The following AKAP13 variants were observed in gnomAD, a reference collection of about 807,000 sequenced individuals.
The protein encoded by AKAP13 is A-kinase anchoring protein 13, also known as A-kinase anchor protein 13.
A neutral mutation model predicts 264.5 loss-of-function variants in AKAP13; 80 were observed. The observed-to-expected ratio is 0.30, with a 90% CI of 0.25 to 0.36. The LOEUF (loss-of-function observed/expected upper bound fraction) is 0.36, where lower values mean the gene tolerates loss of function less well. AKAP13 is among the 10% of genes least tolerant of loss of function. The probability of loss-of-function intolerance (pLI) is 1.00; values close to 1 mark genes in which losing one functional copy is unlikely to be tolerated. For missense variants in AKAP13, 3,712 were observed against 3,435.2 expected, an observed-to-expected ratio of 1.08 and a Z score of -2.01; for synonymous variants, 1,380 against 1,250.2, an observed-to-expected ratio of 1.10 and a Z score of -2.19.
At chr15:85,389,204 GA>G (rs2070735410) in intron 1 of AKAP13, among the ~76,000 whole-genome samples, 1 of 152,020 alleles carries the variant, frequency 6.6e-6, no homozygotes, top group Non-Finnish European at 1.5e-5. Context: ...CTGATTTCTG[GA>G]GCTCCTTTTT....
intron 5 of AKAP13, among the ~76,000 whole-genome samples, chr15:85,553,812 G>C (rs1313956342): frequency 6.6e-6 from 1 of 152,214 alleles, no homozygotes; most frequent in Non-Finnish European, 1.5e-5. Context: ...TGTCCAGTCA[G>C]TGGTGACATT....
chr15:85,741,223 G>C lies in AKAP13; in HGVS notation c.7786G>C (p.Glu2596Gln), dbSNP rs778924793. The change falls in exon 35 of 37, where the codon GAG becomes CAG. Residue 2596 changes from glutamate to glutamine, a missense_variant. Glu to Gln is a conservative substitution (Grantham distance 29). Around this residue, in one of 3 missense-constraint regions of AKAP13, gnomAD observed 611 missense variants for 539.3 expected, o/e 1.13. Coordinates refer to ENST00000394518, the MANE Select transcript of AKAP13 (RefSeq NM_007200.5). ...GCAGAAGCAGCAGGCCCAGTACCTC[G>C]AGGAGAAGCGCAGGCGCGAGCGTGA... The part of the protein sequence containing the change: ...NLQKQQAQYL[E>Q]EKRRREREWE... 6.2e-6 allele frequency: 10 copies of C among 1,609,302 alleles called. No individual in the cohort carries two copies. In the Admixed American group the frequency reaches 8.5e-5, roughly 14 times the overall value.
At chr15:85,452,625 G>A (rs537753547) in intron 1 of AKAP13, among the ~76,000 whole-genome samples, 19 of 152,282 alleles carry the variant, frequency 1.2e-4, no homozygotes, top group African/African-American at 4.1e-4. Flanking sequence ...GGTTTCAGAG[G>A]GGAGGGTATG....
At chr15:85,678,652 A>G (rs338511) in intron 14 of AKAP13, among the ~76,000 whole-genome samples, 11,598 of 152,078 alleles carry the variant, frequency 0.076, 770 homozygotes, top group East Asian at 0.36. Context: ...ACTTGAGGTC[A>G]GGAGTTTGAG....
intron 7 of AKAP13, among the ~76,000 whole-genome samples, chr15:85,584,939 C>G (rs2079277806): frequency 6.6e-6 from 1 of 152,248 alleles, no homozygotes; most frequent in Admixed American, 6.5e-5. Flanking sequence ...GTGTCAGAAG[C>G]CTAAATTTGC....
At chr15:85,729,125 C>T (rs1489684664) in intron 29 of AKAP13, among the ~76,000 whole-genome samples, 1 of 151,542 alleles carries the variant, frequency 6.6e-6, no homozygotes, top group African/African-American at 2.4e-5. Flanking sequence ...ATGGTGAAAC[C>T]CCATCTCTAC....
intron 1 of AKAP13, among the ~76,000 whole-genome samples, chr15:85,485,337 C>A (rs969639922): frequency 3.3e-5 from 5 of 152,152 alleles, no homozygotes; most frequent in African/African-American, 1.2e-4. Flanking sequence ...TGCAAGAAGT[C>A]CCTGAGTAAA....
chr15:85,739,093 T>G (rs901243435), intron 33 of AKAP13, among the ~76,000 whole-genome samples: 2 of 152,224 alleles, frequency 1.3e-5, no homozygotes, highest in Non-Finnish European at 2.9e-5. Flanking sequence ...ACTTAGTCTT[T>G]GTGATAGTTA....
intron 1 of AKAP13, among the ~76,000 whole-genome samples, chr15:85,482,071 A>C (rs1191513979): frequency 6.6e-6 from 1 of 152,212 alleles, no homozygotes; most frequent in Non-Finnish European, 1.5e-5. Flanking sequence ...CTCCCTTTAG[A>C]ACTCAGTTCT....
intron 2 of AKAP13, among the ~76,000 whole-genome samples, chr15:85,518,832 C>T (rs963200756): frequency 5.9e-5 from 9 of 152,032 alleles, no homozygotes; most frequent in Admixed American, 1.3e-4. Context: ...CTGTCTCAAA[C>T]AACAACAAAA....
At chr15:85,543,282 T>TG (rs747918925) in intron 4 of AKAP13, among the ~76,000 whole-genome samples, 5 of 152,174 alleles carry the variant, frequency 3.3e-5, no homozygotes, top group Non-Finnish European at 7.3e-5. Context: ...TTTTTAGTGT[T>TG]TAACTAGCCA....
At position 85,415,844 on chromosome 15, in the gene AKAP13, TA is replaced by T. The variant is rs1022366126; in HGVS notation, c.-12+35054del. ...TAATAAATAAATGTGTTTGTGCTAA[TA>T]AAAAAAATGAGATGTGTATATTGAT... On this transcript the variant is annotated intron_variant, in intron 1 of 36. Coordinates refer to ENST00000394518, the MANE Select transcript of AKAP13 (RefSeq NM_007200.5). 4.0e-5 allele frequency among the ~76,000 whole-genome samples: 6 copies of T among 151,734 alleles called. No homozygotes were observed. In the East Asian group the frequency reaches 5.8e-4, roughly 15 times the overall value.
At chr15:85,389,709 T>C (rs1278563039) in intron 1 of AKAP13, 1 of 152,256 alleles carries the variant, frequency 6.6e-6, no homozygotes, top group African/African-American at 2.4e-5. Context: ...TAGGTATCTT[T>C]TAGTTGAAGA....
At chr15:85,421,671 T>C (rs1022231173) in intron 1 of AKAP13, among the ~76,000 whole-genome samples, 3 of 152,280 alleles carry the variant, frequency 2.0e-5, no homozygotes, top group African/African-American at 7.2e-5. Flanking sequence ...CAGATTTTCA[T>C]AATATAATTG....
intron 7 of AKAP13, chr15:85,582,927 C>G (rs2079183926): frequency 1.0e-6 from 1 of 985,318 alleles, no homozygotes; most frequent in Admixed American, 6.2e-5. Flanking sequence ...GCAGCCTGTT[C>G]CATCTGTGGG....
chr15:85,739,795 C>A (rs2088824319), intron 33 of AKAP13, among the ~76,000 whole-genome samples: 1 of 152,040 alleles, frequency 6.6e-6, no homozygotes, highest in Non-Finnish European at 1.5e-5. Context: ...GAGCTAAGAT[C>A]TCAACTCAAT....
intron 19 of AKAP13, 103 bp from the exon 20 acceptor site, chr15:85,715,685 A>G: frequency 9.0e-7 from 1 of 1,113,610 alleles, no homozygotes; most frequent in Non-Finnish European, 1.2e-6. Context: ...TTCCAGGGCA[A>G]ATCCACTGTA....
At chr15:85,410,908 C>G (rs187828131) in intron 1 of AKAP13, among the ~76,000 whole-genome samples, 2 of 151,854 alleles carry the variant, frequency 1.3e-5, no homozygotes, top group Admixed American at 1.3e-4. Flanking sequence ...AGAAAATGTT[C>G]TGTCCCCTTT....
chr15:85,415,454 C>T (rs2072196389), intron 1 of AKAP13: 1 of 1,602,338 alleles, frequency 6.2e-7, no homozygotes, highest in Admixed American at 1.7e-5. Flanking sequence ...TTGAAGAAAC[C>T]ACAGCTGATG....
Sources: allele counts gnomAD v4.1 joint callset (sites outside exome capture counted in the v4.1 genomes callset), GRCh38; gene constraint gnomAD v4.1.1; regional missense constraint gnomAD v4.1.1; transcripts MANE v1.5; gene names NCBI Gene and HGNC (gene_info 2026-07-23, HGNC 2026-07-21).